The following AUTS2 variants were observed in gnomAD, a reference collection of about 807,000 sequenced individuals.
AUTS2 encodes the protein autism susceptibility gene 2 protein.
In AUTS2, 17 loss-of-function variants were observed where a neutral mutation model predicts 112.4. That is an observed-to-expected ratio of 0.15 (90% CI 0.10 to 0.23). The LOEUF is 0.23. Among genes scored for constraint, AUTS2 ranks in the 10% least tolerant of loss-of-function variants. AUTS2 has a pLI of 1.00. For missense variants in AUTS2, 1,510 were observed against 1,701.6 expected, an observed-to-expected ratio of 0.89 and a Z score of 1.98; for synonymous variants, 751 against 702.7, an observed-to-expected ratio of 1.07 and a Z score of -1.09.
chr7:70,590,646 A>C (rs1000616892), intron 5 of AUTS2, among the ~76,000 whole-genome samples: 15 of 152,136 alleles, frequency 9.9e-5, no homozygotes, highest in Non-Finnish European at 2.2e-4. Context: ...TAAATCGTAA[A>C]TACACTAAAA....
intron 1 of AUTS2, among the ~76,000 whole-genome samples, chr7:69,759,145 G>T (rs1196334843): frequency 6.6e-6 from 1 of 152,110 alleles, no homozygotes; most frequent in Non-Finnish European, 1.5e-5. Flanking sequence ...TTTGCCCAAG[G>T]TCAGACAGCT....
intron 1 of AUTS2, among the ~76,000 whole-genome samples, chr7:69,818,649 G>C (rs1790860893): frequency 1.3e-5 from 2 of 152,192 alleles, no homozygotes; most frequent in South Asian, 2.1e-4. Context: ...CCGAAGCATT[G>C]ATTTGTTTCT....
chr7:70,369,083 G>T (rs546441996), intron 4 of AUTS2, among the ~76,000 whole-genome samples: 1 of 152,130 alleles, frequency 6.6e-6, no homozygotes, highest in Non-Finnish European at 1.5e-5. Context: ...CCAAGAGAGC[G>T]ATTTCTACTG....
chr7:69,926,437 G>GTCTA (rs1257677700), intron 2 of AUTS2, among the ~76,000 whole-genome samples: 5 of 117,846 alleles, frequency 4.2e-5, no homozygotes, highest in South Asian at 3.0e-4. Flanking sequence ...CTATCTGTCT[G>GTCTA]TCTGTCTGTC....
At chr7:70,021,410 G>A (rs528402875) in intron 2 of AUTS2, among the ~76,000 whole-genome samples, 1 of 152,312 alleles carries the variant, frequency 6.6e-6, no homozygotes, top group African/African-American at 2.4e-5. Flanking sequence ...TTTGAGAAGT[G>A]TGAAGCTGGA....
chr7:70,779,492 T>C (rs1378312463), intron 14 of AUTS2, among the ~76,000 whole-genome samples: 1 of 152,176 alleles, frequency 6.6e-6, no homozygotes, highest in Non-Finnish European at 1.5e-5. Flanking sequence ...CATTTCCAGC[T>C]GGAGGTGCAC....
intron 4 of AUTS2, among the ~76,000 whole-genome samples, chr7:70,150,423 C>G (rs1318376791): frequency 1.3e-5 from 2 of 152,110 alleles, no homozygotes; most frequent in African/African-American, 4.8e-5. Context: ...AGAGTAAATA[C>G]AGAAACACAA....
intron 4 of AUTS2, among the ~76,000 whole-genome samples, chr7:70,431,674 G>A (rs1299409974): frequency 6.6e-6 from 1 of 152,146 alleles, no homozygotes; most frequent in African/African-American, 2.4e-5. Flanking sequence ...CGTGAGCCCC[G>A]TCACCCGGCC....
intron 5 of AUTS2, among the ~76,000 whole-genome samples, chr7:70,595,441 C>T (rs1023920198): frequency 6.6e-6 from 1 of 151,896 alleles, no homozygotes; most frequent in Admixed American, 6.6e-5. Context: ...AGATAATGCT[C>T]TCTGATTTAC....
chr7:69,972,774 C>G (rs1323408987), intron 2 of AUTS2, among the ~76,000 whole-genome samples: 1 of 151,528 alleles, frequency 6.6e-6, no homozygotes. Context: ...TTAAATTGTT[C>G]TTGTACCTTT....
At chr7:69,659,312 A>C (rs958559729) in intron 1 of AUTS2, among the ~76,000 whole-genome samples, 10 of 152,142 alleles carry the variant, frequency 6.6e-5, no homozygotes, top group Non-Finnish European at 1.5e-4. Flanking sequence ...TTTCCTAGGA[A>C]TCTCAGGTCA....
rs144063551 is a variant in AUTS2 at position 70,183,290 on chromosome 7, T to C, written c.660+48719T>C. Among the ~76,000 whole-genome samples the C allele has an allele frequency of 7.8e-3, 1,183 of 152,298 alleles. 20 individuals carry two copies. Among genetic ancestry groups the C allele is most frequent in the African/African-American group, 0.027 (1,130 of 41,560 alleles). The stretch of plus-strand genomic sequence containing the variant: ...TTACACTGGGATTGGAGGCTGGGCT[T>C]GTTTAGAGAAATGCCTAGAGAGACT... On this transcript the variant is annotated intron_variant, in intron 4 of 18. Transcript: ENST00000342771.
intron 4 of AUTS2, among the ~76,000 whole-genome samples, chr7:70,173,645 AG>A (rs778866819): frequency 1.4e-4 from 22 of 152,184 alleles, no homozygotes; most frequent in Non-Finnish European, 2.6e-4. Context: ...CCTTACATCA[AG>A]CAAGTCTGTC....
At chr7:70,131,905 C>T (rs1408488815) in intron 3 of AUTS2, among the ~76,000 whole-genome samples, 2 of 151,594 alleles carry the variant, frequency 1.3e-5, no homozygotes, top group African/African-American at 2.4e-5. Context: ...AATACAAGGC[C>T]GTAGTCAGAA....
chr7:70,654,611 G>A (rs1454493055), intron 5 of AUTS2, among the ~76,000 whole-genome samples: 2 of 152,172 alleles, frequency 1.3e-5, no homozygotes, highest in Non-Finnish European at 2.9e-5. Context: ...AGAATATTCA[G>A]TATATATTTC....
intron 2 of AUTS2, among the ~76,000 whole-genome samples, chr7:70,014,011 C>T (rs1013969635): frequency 6.6e-6 from 1 of 152,162 alleles, no homozygotes; most frequent in Non-Finnish European, 1.5e-5. Context: ...CCACCGCGCC[C>T]GGCCTCATCA....
intron 1 of AUTS2, among the ~76,000 whole-genome samples, chr7:69,647,203 C>A (rs1209470450): frequency 2.0e-5 from 3 of 152,036 alleles, no homozygotes; most frequent in Non-Finnish European, 4.4e-5. Flanking sequence ...AACAGTTTAC[C>A]GTTTTAATGA....
intron 1 of AUTS2, among the ~76,000 whole-genome samples, chr7:69,845,078 G>A (rs893993750): frequency 6.6e-6 from 1 of 152,094 alleles, no homozygotes; most frequent in Non-Finnish European, 1.5e-5. Flanking sequence ...TTCATCCTTC[G>A]TTTCCCTCTG....
chr7:70,172,678 A>G (rs1393686775), intron 4 of AUTS2, among the ~76,000 whole-genome samples: 1 of 152,176 alleles, frequency 6.6e-6, no homozygotes, highest in Non-Finnish European at 1.5e-5. Flanking sequence ...AATATTTCTC[A>G]ACACCATAAG....
Sources: gnomAD v4.1 joint callset for allele counts (sites outside exome capture counted in the v4.1 genomes callset) on GRCh38, gnomAD v4.1.1 for gene constraint, MANE v1.5 for transcripts, NCBI Gene and HGNC (gene_info 2026-07-23, HGNC 2026-07-21) for gene names.